Variants in DLG2 observed in about 807,000 individuals in gnomAD.
The protein encoded by DLG2 is discs large MAGUK scaffold protein 2.
Under a neutral mutation model 132.5 loss-of-function variants are expected in DLG2, and 45 were observed. The ratio of observed to expected loss-of-function variants is 0.34; its 90% CI spans 0.27 to 0.44. The LOEUF is 0.44. DLG2 is among the 20% of genes least tolerant of loss of function. DLG2 has a pLI of 1.00. For missense variants in DLG2, 1,045 were observed against 1,196.9 expected, an observed-to-expected ratio of 0.87 and a Z score of 1.87; for synonymous variants, 424 against 419.6, an observed-to-expected ratio of 1.01 and a Z score of -0.13.
At chr11:84,190,382 C>T (rs2096382823) in intron 8 of DLG2, among the ~76,000 whole-genome samples, 1 of 152,086 alleles carries the variant, frequency 6.6e-6, no homozygotes, top group African/African-American at 2.4e-5. Flanking sequence ...ATTTAATGAA[C>T]CTCAAGGTTA....
At chr11:84,738,823 T>C (rs963709897) in intron 6 of DLG2, among the ~76,000 whole-genome samples, 4 of 152,184 alleles carry the variant, frequency 2.6e-5, no homozygotes, top group Non-Finnish European at 5.9e-5. Context: ...CTGCAGCTTT[T>C]TTCATAATAT....
intron 6 of DLG2, among the ~76,000 whole-genome samples, chr11:84,830,237 A>G (rs903604563): frequency 6.6e-6 from 1 of 151,572 alleles, no homozygotes; most frequent in South Asian, 2.1e-4. Flanking sequence ...TGAGGAGGCA[A>G]GTATGAATGA....
chr11:85,011,084 C>A lies in DLG2; in HGVS notation c.357+100577G>T, dbSNP rs528889106. Among the ~76,000 whole-genome samples, 3 of 152,274 alleles carry A rather than the reference C, an allele frequency of 2.0e-5. No homozygotes were observed. In the Middle Eastern group the frequency reaches 0.01, roughly 518 times the overall value. ...TTTTTCACTAATTGCCAATATGCCT[C>A]AGTCATGTGACAAACAAAAAATTCC... On this transcript the variant is annotated intron_variant, in intron 6 of 27. Transcript: ENST00000376104.
At chr11:84,743,600 G>T (rs1419091797) in intron 6 of DLG2, among the ~76,000 whole-genome samples, 1 of 152,098 alleles carries the variant, frequency 6.6e-6, no homozygotes, top group Non-Finnish European at 1.5e-5. Context: ...CTTACATGAC[G>T]ATGTGAGAAA....
rs563577638 is a variant in DLG2, at chr11:84,131,414, A to G, written c.624+32047T>C. ...TGAATGTTTATATATACATACATAT[A>G]CATGTATACACACACATACATAAAT... On this transcript the variant is annotated intron_variant, in intron 9 of 27. Coordinates refer to ENST00000376104, the MANE Select transcript of DLG2 (RefSeq NM_001142699.3). 2.0e-5 allele frequency among the ~76,000 whole-genome samples: 3 copies of G among 152,154 alleles called. No individual in the cohort carries two copies. In the South Asian group the frequency reaches 6.2e-4, roughly 32 times the overall value.
At chr11:85,628,320 G>T (rs750173801), upstream of DLG2, among the ~76,000 whole-genome samples, 43 of 152,140 alleles carry the variant, frequency 2.8e-4, no homozygotes, top group Admixed American at 1.2e-3. Flanking sequence ...CATCTTTCCC[G>T]CAGGACGCGA....
intron 16 of DLG2, among the ~76,000 whole-genome samples, chr11:83,870,486 C>T (rs1384299615): frequency 1.3e-5 from 2 of 151,918 alleles, no homozygotes; most frequent in African/African-American, 4.8e-5. Flanking sequence ...GTATATATAC[C>T]ACATTTTATT....
chr11:84,829,016 C>T (rs1048916152), intron 6 of DLG2, among the ~76,000 whole-genome samples: 1 of 151,632 alleles, frequency 6.6e-6, no homozygotes, highest in African/African-American at 2.4e-5. Context: ...ACAGAACCCG[C>T]CTCAGGCTCT....
intron 6 of DLG2, among the ~76,000 whole-genome samples, chr11:84,701,070 T>G (rs930253761): frequency 6.6e-5 from 10 of 151,626 alleles, no homozygotes; most frequent in Non-Finnish European, 1.2e-4. Flanking sequence ...GGTCTAGGAA[T>G]AGCCACTCCA....
At chr11:84,055,048 T>G (rs1044341740) in intron 11 of DLG2, among the ~76,000 whole-genome samples, 2 of 152,022 alleles carry the variant, frequency 1.3e-5, no homozygotes, top group Non-Finnish European at 2.9e-5. Flanking sequence ...TCACAAAATA[T>G]AGTGAAAAAT....
At chr11:85,372,597 T>G (rs1243605285) in intron 3 of DLG2, among the ~76,000 whole-genome samples, 1 of 152,244 alleles carries the variant, frequency 6.6e-6, no homozygotes, top group Admixed American at 6.5e-5. Flanking sequence ...CCAAGCTTTT[T>G]GTTTCATGGA....
chr11:85,362,485 T>C (rs773481468), intron 3 of DLG2, among the ~76,000 whole-genome samples: 4 of 152,186 alleles, frequency 2.6e-5, no homozygotes, highest in Non-Finnish European at 5.9e-5. Flanking sequence ...TTTACTGTAT[T>C]CATTTATCGA....
chr11:84,406,820 C>T (rs1156581862), intron 7 of DLG2, among the ~76,000 whole-genome samples: 1 of 152,150 alleles, frequency 6.6e-6, no homozygotes, highest in Non-Finnish European at 1.5e-5. Flanking sequence ...AGAGTACATT[C>T]CTTATTCATT....
chr11:83,789,821 C>T (rs1594414343), intron 17 of DLG2, among the ~76,000 whole-genome samples: 1 of 152,198 alleles, frequency 6.6e-6, no homozygotes, highest in African/African-American at 2.4e-5. Context: ...GCTGGGATTA[C>T]AGGCGTGAGC....
rs182327638 is a variant in DLG2 at position 84,567,011 on chromosome 11, T to C, written c.358-32280A>G. 2.2e-4 allele frequency among the ~76,000 whole-genome samples: 33 copies of C among 152,236 alleles called. No homozygotes were observed. In the East Asian group the frequency reaches 6.2e-3, roughly 29 times the overall value. On this transcript the variant is annotated intron_variant, in intron 6 of 27. Transcript: ENST00000376104. ...CATAACGACTTTGTGATGAAAAACA[T>C]AGAAAATACTTGCTGGTGAGGGGAG...
chr11:85,462,172 C>G (rs991883397), intron 3 of DLG2, among the ~76,000 whole-genome samples: 12 of 152,100 alleles, frequency 7.9e-5, no homozygotes, highest in South Asian at 2.1e-4. Context: ...AGAGGATGTG[C>G]AGAAATAGGA....
intron 18 of DLG2, among the ~76,000 whole-genome samples, chr11:83,745,121 C>T (rs984796424): frequency 5.9e-5 from 9 of 152,178 alleles, no homozygotes; most frequent in Non-Finnish European, 1.2e-4. Context: ...GCGATCAACT[C>T]ATCTGCTCAT....
intron 3 of DLG2, among the ~76,000 whole-genome samples, chr11:85,580,150 T>C (rs2078420998): frequency 6.6e-6 from 1 of 152,178 alleles, no homozygotes; most frequent in African/African-American, 2.4e-5. Flanking sequence ...GAATTGCTCC[T>C]CCTTGCCTTC....
intron 3 of DLG2, among the ~76,000 whole-genome samples, chr11:85,548,744 T>C (rs2076481666): frequency 6.6e-6 from 1 of 152,156 alleles, no homozygotes; most frequent in Non-Finnish European, 1.5e-5. Context: ...TGAGCTGCGG[T>C]GGGCTCCCCA....
Sources: allele counts gnomAD v4.1 joint callset (sites outside exome capture counted in the v4.1 genomes callset), GRCh38; gene constraint gnomAD v4.1.1; transcripts MANE v1.5; gene names NCBI Gene and HGNC (gene_info 2026-07-23, HGNC 2026-07-21).